Variants in MAP3K3 observed in about 807,000 individuals in gnomAD.
The protein encoded by MAP3K3 is mitogen-activated protein kinase kinase kinase 3, also known as MAP/ERK kinase kinase 3.
Under a neutral mutation model 80.9 loss-of-function variants are expected in MAP3K3, and 12 were observed. The observed-to-expected ratio is 0.15, with a 90% CI of 0.10 to 0.24. MAP3K3 has a LOEUF of 0.24. Among genes scored for constraint, MAP3K3 ranks in the 10% least tolerant of loss-of-function variants. The pLI is 1.00. For missense variants in MAP3K3, 596 were observed against 834.7 expected (o/e 0.71, Z 3.52); for synonymous variants, 272 against 307.1 (o/e 0.89, Z 1.19).
At chr17:63,671,414 C>T (rs574121188) in intron 6 of MAP3K3, among the ~76,000 whole-genome samples, 137 of 152,172 alleles carry the variant, frequency 9.0e-4, no homozygotes, top group African/African-American at 3.2e-3. Flanking sequence ...CGCCACCACA[C>T]CCAGCTAAAT....
chr17:63,667,516 G>A (rs1381175680), intron 6 of MAP3K3, among the ~76,000 whole-genome samples: 1 of 152,164 alleles, frequency 6.6e-6, no homozygotes, highest in East Asian at 1.9e-4. Context: ...AGAGAGTCAA[G>A]CTAAGTTGTC....
At chr17:63,652,377 G>A (rs1036643447) in intron 3 of MAP3K3, among the ~76,000 whole-genome samples, 180 bp from the exon 4 acceptor site, 2 of 152,182 alleles carry the variant, frequency 1.3e-5, no homozygotes, top group Non-Finnish European at 2.9e-5. Context: ...TAGATGCTCA[G>A]AGGGTGAAAG....
chr17:63,678,562 C>G (rs1420060215), intron 6 of MAP3K3, among the ~76,000 whole-genome samples: 1 of 152,156 alleles, frequency 6.6e-6, no homozygotes, highest in Non-Finnish European at 1.5e-5. Context: ...ACTGAGGACC[C>G]CATGTTAGCT....
intron 4 of MAP3K3, among the ~76,000 whole-genome samples, chr17:63,655,462 A>G (rs1198959674): frequency 6.6e-6 from 1 of 152,180 alleles, no homozygotes; most frequent in African/African-American, 2.4e-5. Context: ...CCATCCTAGT[A>G]GGTGTAAAGT....
At chr17:63,626,077 AAAAC>A (rs1386998238) in intron 1 of MAP3K3, among the ~76,000 whole-genome samples, 1 of 152,232 alleles carries the variant, frequency 6.6e-6, no homozygotes, top group African/African-American at 2.4e-5. Context: ...CCCTGTCTCT[AAAAC>A]AAAAAACAAA....
chr17:63,691,601 G>T lies in MAP3K3; in HGVS notation c.1345-132G>T. 1.5e-6 allele frequency: 2 copies of T among 1,341,038 alleles called. No homozygotes were observed. The highest frequency in any genetic ancestry group is 1.5e-5 in the African/African-American group (1 of 68,446). 83.1% of individuals were successfully genotyped at this position (1,341,038 alleles called of 1,614,324 possible). A position where few individuals can be genotyped will look rare whatever the true frequency, so the allele number is the denominator to read the frequency against. On this transcript the variant is annotated intron_variant, in intron 13 of 15. Coordinates refer to ENST00000361733, the MANE Select transcript of MAP3K3 (RefSeq NM_002401.5). This position sits in a 1 kb window ranked among gnomAD's most constrained non-coding sequence, Gnocchi z 4.8. ...TTTCCAAACTGCCTGACAGCTCCTGGCAAAATGCCCTGCCCAGCCAGATAG... is the reference window on the plus strand; with the variant it reads ...TTTCCAAACTGCCTGACAGCTCCTGTCAAAATGCCCTGCCCAGCCAGATAG...
At chr17:63,641,548 G>A (rs1439619903) in intron 2 of MAP3K3, among the ~76,000 whole-genome samples, 2 of 152,052 alleles carry the variant, frequency 1.3e-5, no homozygotes, top group African/African-American at 4.8e-5. Context: ...GTGCAGTTAG[G>A]TTTAATGGCA....
In MAP3K3 at chr17:63,652,589, A is replaced by C; in HGVS notation, c.200A>C (p.Glu67Ala). 3 of 1,614,008 alleles carry C rather than the reference A, an allele frequency of 1.9e-6. No individual in the cohort carries two copies. The highest frequency in any genetic ancestry group is 3.3e-4 in the Middle Eastern group (2 of 6,062). The change falls in exon 4 of 16, where the codon GAA (glutamate) becomes GCA (alanine). Residue 67 changes from glutamate to alanine, a missense_variant. Glu to Ala is a moderately radical substitution (Grantham distance 107). Coordinates refer to ENST00000361733, the MANE Select transcript of MAP3K3 (RefSeq NM_002401.5). ...IIAFSRPVKY[E>A]DVEHKVTTVF... is the part of the protein sequence containing the mutation. ...GCGTTCAGCCGGCCTGTGAAATATG[A>C]AGATGTGGAGCACAAGGTGACAACA...
intron 1 of MAP3K3, among the ~76,000 whole-genome samples, chr17:63,626,283 T>C (rs2034100437): frequency 6.6e-6 from 1 of 152,216 alleles, no homozygotes; most frequent in South Asian, 2.1e-4. Flanking sequence ...TGTGTTATCC[T>C]GTCCTCAAGA....
chr17:63,670,853 A>G (rs757228836), intron 6 of MAP3K3, among the ~76,000 whole-genome samples: 15 of 152,110 alleles, frequency 9.9e-5, no homozygotes, highest in Non-Finnish European at 2.2e-4. Flanking sequence ...GGAGGGCAGG[A>G]TGAAGCTGGG....
chr17:63,659,103 C>G (rs1214589721), intron 5 of MAP3K3, among the ~76,000 whole-genome samples: 1 of 152,082 alleles, frequency 6.6e-6, no homozygotes. Context: ...AATTCCTGAG[C>G]TCAAATGATC....
chr17:63,681,935 G>A, intron 7 of MAP3K3, 36 bp downstream of exon 7: 5 of 1,335,962 alleles, frequency 3.7e-6, no homozygotes, highest in Non-Finnish European at 4.9e-6. Context: ...CCTGTGGCCT[G>A]TATCAGCAGA....
At chr17:63,650,030 C>T (rs2034618445) in intron 3 of MAP3K3, among the ~76,000 whole-genome samples, 1 of 152,180 alleles carries the variant, frequency 6.6e-6, no homozygotes, top group Non-Finnish European at 1.5e-5. Context: ...ACTGCGCAGG[C>T]CCATGGCTGA....
In MAP3K3 at chr17:63,657,860, A is replaced by G; in HGVS notation, c.334A>G (p.Ser112Gly). 1 of 1,609,668 alleles carries G rather than the reference A, an allele frequency of 6.2e-7. No individual in the cohort carries two copies. The highest frequency in any genetic ancestry group is 8.5e-7 in the Non-Finnish European group (1 of 1,177,136). Residue 112 changes from serine (S) to glycine (G), a missense_variant, in exon 5 of 16, where the codon AGC (serine) becomes GGC (glycine). Ser to Gly is a moderately conservative substitution (Grantham distance 56). Coordinates refer to ENST00000361733, the MANE Select transcript of MAP3K3 (RefSeq NM_002401.5). ...KAIDILDRSS[S>G]MKSLRILLLS... is the part of the protein sequence containing the mutation. ...AATTGACATTTTAGATAGAAGCTCA[A>G]GCATGAAAAGCCTTAGGATATTGCT...
rs144643679 is a variant in MAP3K3, at chr17:63,652,566, G to A, written c.177G>A (p.Ala59=). 60 of 1,612,570 alleles carry A rather than the reference G, an allele frequency of 3.7e-5. No individual in the cohort carries two copies. Among genetic ancestry groups the A allele is most frequent in the Admixed American group, 5.0e-5 (3 of 59,982 alleles). The change falls in exon 4 of 16, where the codon GCG becomes GCA. Residue 59 remains alanine (A), a synonymous_variant. Coordinates refer to ENST00000361733, the MANE Select transcript of MAP3K3 (RefSeq NM_002401.5). ...TTCTGTTTCTTTTCAGAATTATAGC[G>A]TTCAGCCGGCCTGTGAAATATGAAG... ...FEHNGERRII[A]FSRPVKYEDV... is the part of the protein sequence containing the mutation.
intron 3 of MAP3K3, among the ~76,000 whole-genome samples, chr17:63,651,126 T>C (rs1258285957): frequency 3.3e-5 from 5 of 152,196 alleles, no homozygotes; most frequent in Non-Finnish European, 7.3e-5. Flanking sequence ...AAATTGCCAC[T>C]TTTATATATC....
chr17:63,643,299 G>A (rs2034480905), intron 2 of MAP3K3, among the ~76,000 whole-genome samples: 1 of 152,060 alleles, frequency 6.6e-6, no homozygotes, highest in South Asian at 2.1e-4. Context: ...GAGCCCAGGA[G>A]TTTGAGACTA....
chr17:63,670,749 T>C (rs191372022), intron 6 of MAP3K3, among the ~76,000 whole-genome samples: 3 of 151,872 alleles, frequency 2.0e-5, no homozygotes, highest in African/African-American at 7.3e-5. Context: ...GCAGGGGATG[T>C]TACAAGAGCA....
chr17:63,658,734 C>CTTTTT (rs55818509), intron 5 of MAP3K3, among the ~76,000 whole-genome samples: 6 of 138,136 alleles, frequency 4.3e-5, no homozygotes, highest in Non-Finnish European at 7.8e-5. Context: ...CATTTCTTTT[C>CTTTTT]TTTTTTTTTT....
Sources: gnomAD v4.1 joint callset for allele counts (sites outside exome capture counted in the v4.1 genomes callset) on GRCh38, gnomAD v4.1.1 for gene constraint, Gnocchi (gnomAD v3.1) non-coding constraint, MANE v1.5 for transcripts, NCBI Gene and HGNC (gene_info 2026-07-23, HGNC 2026-07-21) for gene names.